Variants in ADAM17 observed in about 807,000 individuals in gnomAD.
The protein encoded by ADAM17 is disintegrin and metalloproteinase domain-containing protein 17.
A neutral mutation model predicts 96.7 loss-of-function variants in ADAM17; 39 were observed. The ratio of observed to expected loss-of-function variants is 0.40; its 90% CI spans 0.31 to 0.53. The LOEUF (loss-of-function observed/expected upper bound fraction) is 0.53. Among genes scored for constraint, ADAM17 ranks in the 20% least tolerant of loss-of-function variants. The pLI, the probability that ADAM17 is intolerant of heterozygous loss-of-function variation, is 0.44. For synonymous variants in ADAM17, 344 were observed against 359.2 expected, an observed-to-expected ratio of 0.96 and a Z score of 0.48; for missense variants, 777 against 1,013.2, an observed-to-expected ratio of 0.77 and a Z score of 3.17.
At position 9,542,966 on chromosome 2, in the gene ADAM17, C is replaced by T. The variant is rs143041918; in HGVS notation, c.230+187G>A. On this transcript the variant is annotated intron_variant, in intron 2 of 18. Coordinates refer to ENST00000310823, the MANE Select transcript of ADAM17 (RefSeq NM_003183.6). ...ACATGTCTTGGCCCCCCAAAGTGCT[C>T]GGATTATAGGCGTGAGCCACTGCAC... Among the ~76,000 whole-genome samples, 109 of 152,170 alleles carry T rather than the reference C, an allele frequency of 7.2e-4. 1 individual carries two copies. The East Asian group carries it at 0.018, about 26-fold the overall frequency.
In ADAM17 at chr2:9,505,037, A is replaced by G; in HGVS notation, c.1544+129T>C. On this transcript the variant is annotated intron_variant, in intron 12 of 18. Coordinates refer to ENST00000310823, the MANE Select transcript of ADAM17 (RefSeq NM_003183.6). ...AATTTCTTGCTGTGAAGGGCAAAAG[A>G]GGTAGATGTAAACAAACACACTCAC... The G allele has an allele frequency of 2.9e-6, 3 of 1,018,656 alleles. No individual in the cohort carries two copies. The South Asian group carries it at 4.7e-5, about 16-fold the overall frequency. The allele number at this position is 1,018,656 out of a possible 1,614,324, so 63.1% of individuals were successfully genotyped here.
intron 11 of ADAM17, among the ~76,000 whole-genome samples, chr2:9,505,769 T>G (rs1572905931): frequency 6.6e-6 from 1 of 152,154 alleles, no homozygotes; most frequent in Non-Finnish European, 1.5e-5. Context: ...AGAACCTCTG[T>G]AGGTTAATGT....
intron 13 of ADAM17, among the ~76,000 whole-genome samples, chr2:9,497,649 C>T (rs1323381921): frequency 6.6e-6 from 1 of 152,244 alleles, no homozygotes; most frequent in Non-Finnish European, 1.5e-5. Context: ...CAGCCCACTG[C>T]TTTGGCTATG....
intron 4 of ADAM17, among the ~76,000 whole-genome samples, chr2:9,531,513 C>A (rs1007452205): frequency 6.6e-6 from 1 of 151,662 alleles, no homozygotes; most frequent in Non-Finnish European, 1.5e-5. Flanking sequence ...ACCAGCCTGG[C>A]CAACGTGGCA....
intron 4 of ADAM17, among the ~76,000 whole-genome samples, chr2:9,531,124 A>AT (rs1390673532): frequency 2.0e-5 from 3 of 152,012 alleles, no homozygotes; most frequent in African/African-American, 4.8e-5. Flanking sequence ...AGCCTGGCTA[A>AT]TTTTTGTATT....
At chr2:9,509,058 G>C (rs1663582581) in intron 11 of ADAM17, among the ~76,000 whole-genome samples, 1 of 152,168 alleles carries the variant, frequency 6.6e-6, no homozygotes, top group Non-Finnish European at 1.5e-5. Context: ...TCAGAAAGCA[G>C]GGTGTCAGAG....
At chr2:9,495,711 C>CAAAA (rs367778507) in intron 14 of ADAM17, among the ~76,000 whole-genome samples, 13 of 140,458 alleles carry the variant, frequency 9.3e-5, no homozygotes, top group African/African-American at 2.4e-4. Context: ...GACTCCATCT[C>CAAAA]AAAAAAAAAA....
intron 2 of ADAM17, among the ~76,000 whole-genome samples, chr2:9,542,528 T>G (rs1665248208): frequency 6.6e-6 from 1 of 152,164 alleles, no homozygotes; most frequent in African/African-American, 2.4e-5. Context: ...ATAAAGATAA[T>G]ATTTAGCACA....
chr2:9,536,858 T>A, intron 2 of ADAM17, 30 bp from the exon 3 acceptor site: 1 of 1,604,984 alleles, frequency 6.2e-7, no homozygotes, highest in South Asian at 1.1e-5. Context: ...TATTTTACTC[T>A]AAGCACACAA....
chr2:9,494,910 C>G (rs938721159), intron 14 of ADAM17, 143 bp from the exon 15 acceptor site: 7 of 984,194 alleles, frequency 7.1e-6, no homozygotes, highest in South Asian at 3.9e-5. Context: ...CTATCCATAG[C>G]CCCCACCAAG....
intron 13 of ADAM17, 136 bp downstream of exon 13, chr2:9,502,037 G>A: frequency 1.4e-6 from 1 of 733,070 alleles, no homozygotes. Context: ...CACAAACTAA[G>A]GAGTGCCAGA....
rs367749843 is a variant in ADAM17 at position 9,491,985 on chromosome 2, A to C, written c.2083-834T>G. 2.6e-4 allele frequency among the ~76,000 whole-genome samples: 40 copies of C among 152,338 alleles called. No homozygotes were observed. In the East Asian group the frequency reaches 4.1e-3, roughly 15 times the overall value. ...TCAAAGCTTCAAGCACGTCACCTTC[A>C]GCTTTCTTCAGCACAAGTGCTCCCT... On this transcript the variant is annotated intron_variant, in intron 17 of 18. Transcript: ENST00000310823.
rs1212359401 is a variant in ADAM17 at position 9,488,614 on chromosome 2, T to C, written c.*1563A>G. On this transcript the variant is annotated 3_prime_UTR_variant, in exon 19 of 19. Transcript: ENST00000310823. ...AAAAGTCACAATTTTATAAAAATGG[T>C]TTTTCTTACATTCTTTTGAGAACTG... 5 of 245,172 alleles carry C rather than the reference T, an allele frequency of 2.0e-5. No individual in the cohort carries two copies. The highest frequency in any genetic ancestry group is 3.8e-5 in the Non-Finnish European group (5 of 129,922). The allele number at this position is 245,172 out of a possible 1,614,324, so 15.2% of individuals were successfully genotyped here.
rs1558510006 is a variant in ADAM17 at position 9,514,568 on chromosome 2, T to TATATAA, written c.1191+3332_1191+3333insTTATAT. Among the ~76,000 whole-genome samples, 95 of 100,532 alleles carry TATATAA rather than the reference T, an allele frequency of 9.4e-4. 1 individual carries two copies. The highest frequency in any genetic ancestry group is 1.6e-3 in the Non-Finnish European group (78 of 49,426). The allele number at this position is 100,532 out of a possible 152,430, so 66.0% of individuals were successfully genotyped here. On this transcript the variant is annotated intron_variant, in intron 10 of 18. Transcript: ENST00000310823. The stretch of plus-strand genomic sequence containing the variant: ...ATATATATATATATATATATATATA[T>TATATAA]AAATAAAAAGAGACAGGGTCTCAGG...
intron 7 of ADAM17, among the ~76,000 whole-genome samples, chr2:9,522,918 G>A (rs1366383325): frequency 6.6e-6 from 1 of 152,080 alleles, no homozygotes; most frequent in East Asian, 1.9e-4. Flanking sequence ...AGGATTCAAT[G>A]GTGCATGCCA....
At chr2:9,526,072 T>C (rs201518993) in intron 6 of ADAM17, 39 bp downstream of exon 6, 1 of 1,520,946 alleles carries the variant, frequency 6.6e-7, no homozygotes, top group South Asian at 1.3e-5. Flanking sequence ...CCCACCCAAA[T>C]TTTTTTTTCA....
chr2:9,509,833 C>T (rs753274162), intron 11 of ADAM17, 146 bp downstream of exon 11: 10 of 1,062,158 alleles, frequency 9.4e-6, no homozygotes, highest in African/African-American at 1.6e-5. Context: ...CCCCAAAACA[C>T]ACAACCACGT....
chr2:9,493,452 T>C (rs927623154), intron 16 of ADAM17, among the ~76,000 whole-genome samples: 6 of 152,220 alleles, frequency 3.9e-5, no homozygotes, highest in Non-Finnish European at 7.3e-5. Context: ...CAGGATTCAG[T>C]CTATAGCATT....
At chr2:9,495,977 G>C (rs1266962532) in intron 14 of ADAM17, among the ~76,000 whole-genome samples, 3 of 151,016 alleles carry the variant, frequency 2.0e-5, no homozygotes, top group African/African-American at 7.3e-5. Context: ...TGGGATTATA[G>C]ATGTGAGACA....
Sources: gnomAD v4.1 joint callset for allele counts (sites outside exome capture counted in the v4.1 genomes callset) on GRCh38, gnomAD v4.1.1 for gene constraint, MANE v1.5 for transcripts, NCBI Gene and HGNC (gene_info 2026-07-23, HGNC 2026-07-21) for gene names.